EVA1C: variants seen among roughly 807,000 people sequenced by gnomAD.
The protein encoded by EVA1C is protein eva-1 homolog C.
EVA1C carries 25 observed loss-of-function variants against 45.4 expected under a neutral mutation model. That is an observed-to-expected ratio of 0.55 (90% CI 0.40 to 0.77). The LOEUF (loss-of-function observed/expected upper bound fraction) is 0.77, where lower values mean the gene tolerates loss of function less well. Ranked by LOEUF, EVA1C falls within the 30% of genes least tolerant of loss-of-function variation. The pLI, the probability that EVA1C is intolerant of heterozygous loss-of-function variation, is 0.00. For synonymous variants in EVA1C, 190 were observed against 221.2 expected, an observed-to-expected ratio of 0.86 and a Z score of 1.25; for missense variants, 479 against 554.8, an observed-to-expected ratio of 0.86 and a Z score of 1.37.
At chr21:32,412,662 GC>G (rs1439515634), upstream of EVA1C, 3 of 442,980 alleles carry the variant, frequency 6.8e-6, no homozygotes, top group Non-Finnish European at 1.2e-5. Flanking sequence ...CCAGTTCTCC[GC>G]CCCCTCCCCT....
chr21:32,481,817 A>G lies in EVA1C; in HGVS notation c.635-13210A>G, dbSNP rs531681867. ...CTTTTTTCAACCAGCCAAAAATACC[A>G]TCTTGGTGATTCTCCTGCCAATCTT... On this transcript the variant is annotated intron_variant, in intron 4 of 7. Transcript: ENST00000300255. Among the ~76,000 whole-genome samples the G allele has an allele frequency of 3.3e-5, 5 of 152,276 alleles. 1 individual carries two copies. The Middle Eastern group carries it at 0.017, about 518-fold the overall frequency.
At chr21:32,438,503 A>AC (rs965218829) in intron 1 of EVA1C, among the ~76,000 whole-genome samples, 7 of 151,094 alleles carry the variant, frequency 4.6e-5, no homozygotes, top group African/African-American at 1.7e-4. Flanking sequence ...AAAAAAAAAA[A>AC]AAAAACCAAA....
intron 3 of EVA1C, among the ~76,000 whole-genome samples, chr21:32,458,039 T>C (rs2035854116): frequency 6.6e-6 from 1 of 152,204 alleles, no homozygotes; most frequent in South Asian, 2.1e-4. Context: ...GAGACTGCAA[T>C]TGCTGTTCCT....
chr21:32,512,588 G>A (rs1284566335), intron 7 of EVA1C, among the ~76,000 whole-genome samples: 3 of 152,122 alleles, frequency 2.0e-5, no homozygotes, highest in Admixed American at 1.3e-4. Context: ...AGGGGGCCAC[G>A]GATGACCATT....
chr21:32,499,105 T>C (rs1000439816), intron 5 of EVA1C, among the ~76,000 whole-genome samples: 1 of 152,186 alleles, frequency 6.6e-6, no homozygotes, highest in African/African-American at 2.4e-5. Context: ...GCCCTTCCCC[T>C]CTGAGCTCCT....
At chr21:32,442,484 C>G (rs544456622) in intron 1 of EVA1C, among the ~76,000 whole-genome samples, 1 of 152,070 alleles carries the variant, frequency 6.6e-6, no homozygotes, top group African/African-American at 2.4e-5. Flanking sequence ...GCTCCCCACC[C>G]CCCAACCCCA....
rs191748808 is a variant in EVA1C, at chr21:32,450,099, C to T, written c.161-3213C>T. Among the ~76,000 whole-genome samples, 242 of 152,316 alleles carry T rather than the reference C, an allele frequency of 1.6e-3. 2 individuals are homozygous for T. Among genetic ancestry groups the T allele is most frequent in the African/African-American group, 5.6e-3 (232 of 41,570 alleles). On this transcript the variant is annotated intron_variant, in intron 1 of 7. Coordinates refer to ENST00000300255, the MANE Select transcript of EVA1C (RefSeq NM_058187.5). ...GCTTCTGCCCCCAGAATACCACTCT[C>T]AGAATAAGAATATGGTAAGGCCAGT...
intron 7 of EVA1C, among the ~76,000 whole-genome samples, chr21:32,507,558 GTTTTTGTGTGTGCA>G (rs2037770819): frequency 6.6e-6 from 1 of 151,668 alleles, no homozygotes; most frequent in Non-Finnish European, 1.5e-5. Context: ...ATGTATGCGT[GTTTTTGTGTGTGCA>G]TGTGTATATG....
At chr21:32,493,838 C>T (rs933300650) in intron 4 of EVA1C, 2 of 151,880 alleles carry the variant, frequency 1.3e-5, no homozygotes, top group Non-Finnish European at 2.9e-5. Flanking sequence ...CTTGCTTGGT[C>T]GCCCAGGCTG....
At chr21:32,462,485 A>G (rs2036033916) in intron 3 of EVA1C, among the ~76,000 whole-genome samples, 1 of 152,258 alleles carries the variant, frequency 6.6e-6, no homozygotes, top group Admixed American at 6.5e-5. Context: ...CAGTAATAAA[A>G]TACTCCCATC....
intron 1 of EVA1C, among the ~76,000 whole-genome samples, chr21:32,423,710 T>A (rs2146123791): frequency 1.3e-5 from 2 of 152,280 alleles, no homozygotes; most frequent in South Asian, 4.1e-4. Flanking sequence ...TGGAAATGAA[T>A]TTCTCCTGCA....
At chr21:32,441,867 G>T (rs769743644) in intron 1 of EVA1C, among the ~76,000 whole-genome samples, 2 of 152,160 alleles carry the variant, frequency 1.3e-5, no homozygotes, top group Non-Finnish European at 2.9e-5. Context: ...CCAGAACGAG[G>T]TTTCTTCCAT....
chr21:32,424,501 T>C (rs1361082542), intron 1 of EVA1C, among the ~76,000 whole-genome samples: 1 of 152,256 alleles, frequency 6.6e-6, no homozygotes, highest in Non-Finnish European at 1.5e-5. Context: ...CAGGCTTACA[T>C]GCCTCCCTTT....
intron 4 of EVA1C, among the ~76,000 whole-genome samples, chr21:32,476,131 T>C (rs1321425296): frequency 1.3e-5 from 2 of 152,234 alleles, no homozygotes; most frequent in Admixed American, 1.3e-4. Flanking sequence ...CTTGTCTCTC[T>C]AGCTTTTGCC....
intron 3 of EVA1C, among the ~76,000 whole-genome samples, chr21:32,459,781 C>A (rs920522242): frequency 3.0e-5 from 4 of 131,208 alleles, no homozygotes; most frequent in Non-Finnish European, 6.3e-5. Flanking sequence ...GCAGAGGTTG[C>A]GGTGAGCCGA....
intron 4 of EVA1C, among the ~76,000 whole-genome samples, chr21:32,473,667 C>T (rs762497633): frequency 5.9e-5 from 9 of 152,164 alleles, no homozygotes; most frequent in South Asian, 2.1e-4. Context: ...CTCCCCTCTT[C>T]GCTTAGCAGC....
intron 1 of EVA1C, among the ~76,000 whole-genome samples, chr21:32,449,622 G>GTT (rs1339365644): frequency 6.7e-6 from 1 of 148,312 alleles, no homozygotes; most frequent in East Asian, 2.0e-4. Context: ...TTTGTTTTTT[G>GTT]TTTTGTTTTT....
chr21:32,439,814 T>C (rs1471319453), intron 1 of EVA1C, among the ~76,000 whole-genome samples: 2 of 152,100 alleles, frequency 1.3e-5, no homozygotes, highest in African/African-American at 2.4e-5. Flanking sequence ...TTGAGGTTTA[T>C]AGTGCTACTC....
intron 2 of EVA1C, among the ~76,000 whole-genome samples, chr21:32,455,673 A>C (rs370293665): frequency 6.6e-6 from 1 of 152,088 alleles, no homozygotes; most frequent in South Asian, 2.1e-4. Flanking sequence ...TAAAAGTAGG[A>C]ACTCTTGGCA....
Sources: gnomAD v4.1 joint callset for allele counts (sites outside exome capture counted in the v4.1 genomes callset) on GRCh38, gnomAD v4.1.1 for gene constraint, MANE v1.5 for transcripts, NCBI Gene and HGNC (gene_info 2026-07-23, HGNC 2026-07-21) for gene names.